The following DNAAF19 variants were observed in gnomAD, a reference collection of about 807,000 sequenced individuals.
DNAAF19 encodes dynein axonemal assembly factor 19.
chr17:44,904,170 G>C, the DNAAF19 span: 1 of 1,550,254 alleles, frequency 6.5e-7, no homozygotes. Flanking sequence ...TTGGTTTTCA[G>C]GGCTCAGTCT....
the DNAAF19 span, chr17:44,904,124 A>G: frequency 6.4e-7 from 1 of 1,550,564 alleles, no homozygotes; most frequent in Admixed American, 2.0e-5. Flanking sequence ...GGGCAGCGAC[A>G]TGCTGACCCG....
At chr17:44,904,610 T>A in the DNAAF19 span, 1 of 1,550,528 alleles carries the variant, frequency 6.4e-7, no homozygotes, top group South Asian at 1.2e-5. Context: ...TAACTATGTG[T>A]CCAAAGTGGG....
At chr17:44,902,993 C>T in the DNAAF19 span, 1 of 1,429,818 alleles carries the variant, frequency 7.0e-7, no homozygotes, top group Non-Finnish European at 9.1e-7. Context: ...CCCTCAGTGT[C>T]TCGCTGTTTT....
chr17:44,904,943 C>T, the DNAAF19 span: 2 of 1,550,696 alleles, frequency 1.3e-6, no homozygotes, highest in East Asian at 2.4e-5. Flanking sequence ...GTTCTCAGAT[C>T]CTGAGACTCG....
chr17:44,902,459 T>G, the DNAAF19 span: 1 of 1,614,258 alleles, frequency 6.2e-7, no homozygotes, highest in East Asian at 2.2e-5. Context: ...CAGGCTCTAC[T>G]GCAGCTTGGG....
the DNAAF19 span, chr17:44,904,963 G>T: frequency 1.3e-6 from 2 of 1,550,726 alleles, no homozygotes; most frequent in Non-Finnish European, 1.7e-6. Flanking sequence ...GCTCGGCTGT[G>T]GAGCTCACCC....
At chr17:44,904,456 C>T in the DNAAF19 span, 923 of 1,543,780 alleles carry the variant, frequency 6.0e-4, 1 homozygote, top group Non-Finnish European at 7.6e-4. Context: ...AGGCCGTGCC[C>T]GATGTGGTGT....
At chr17:44,903,807 T>A in the DNAAF19 span, 2 of 1,541,198 alleles carry the variant, frequency 1.3e-6, no homozygotes, top group Non-Finnish European at 1.8e-6. Flanking sequence ...GCCCTGCCCC[T>A]CTGACCCCTG....
At chr17:44,904,427 C>G in the DNAAF19 span, 1 of 1,541,640 alleles carries the variant, frequency 6.5e-7, no homozygotes, top group Non-Finnish European at 8.8e-7. Flanking sequence ...GAGCCCAGAC[C>G]TCTCCCCACG....
the DNAAF19 span, chr17:44,902,593 A>G: frequency 6.2e-7 from 1 of 1,614,178 alleles, no homozygotes; most frequent in Non-Finnish European, 8.5e-7. Context: ...GATCCTATGC[A>G]GCCTGGCGAG....
chr17:44,904,529 G>A, the DNAAF19 span: 7 of 1,550,514 alleles, frequency 4.5e-6, no homozygotes, highest in Admixed American at 3.9e-5. Context: ...CACGCCTGAG[G>A]TGCTGGTTCG....
At chr17:44,904,396 C>T in the DNAAF19 span, 1 of 1,542,330 alleles carries the variant, frequency 6.5e-7, no homozygotes, top group African/African-American at 1.4e-5. Context: ...AGCAGTGGCG[C>T]ATCGGCCTCT....
the DNAAF19 span, chr17:44,904,914 A>T: frequency 6.5e-7 from 1 of 1,527,036 alleles, no homozygotes; most frequent in Non-Finnish European, 8.9e-7. Flanking sequence ...GTGACATCTC[A>T]TGGGCACTAC....
At chr17:44,903,111 G>A in the DNAAF19 span, 2 of 1,305,262 alleles carry the variant, frequency 1.5e-6, no homozygotes, top group Non-Finnish European at 9.7e-7. Context: ...TGAGAGATGA[G>A]TGTGTGCCCA....
At chr17:44,905,300 C>T in the DNAAF19 span, 1 of 550,154 alleles carries the variant, frequency 1.8e-6, no homozygotes, top group African/African-American at 1.9e-5. Flanking sequence ...AAGTAGGGCA[C>T]ATGTGTTTCC....
At chr17:44,903,632 A>G in the DNAAF19 span, 1 of 1,431,248 alleles carries the variant, frequency 7.0e-7, no homozygotes, top group South Asian at 1.5e-5. Context: ...CTGGAATGTT[A>G]GAAGGGCATC....
At chr17:44,904,585 C>G in the DNAAF19 span, 1 of 1,550,566 alleles carries the variant, frequency 6.4e-7, no homozygotes, top group Non-Finnish European at 8.7e-7. Flanking sequence ...TCCGGGAGGG[C>G]GTGCTGGCCA....
the DNAAF19 span, chr17:44,903,417 C>T: frequency 1.6e-6 from 2 of 1,252,382 alleles, no homozygotes; most frequent in Admixed American, 7.5e-5. Flanking sequence ...TTCCTTCATC[C>T]CCCAGGTTGA....
the DNAAF19 span, chr17:44,904,920 A>G: frequency 0.27 from 421,844 of 1,550,332 alleles, 57,629 homozygotes; most frequent in South Asian, 0.28. Context: ...TCTCATGGGC[A>G]CTACCCAGCC....
Sources: gnomAD v4.1 joint callset for allele counts on GRCh38, gnomAD v4.1.1 for gene constraint, MANE v1.5 for transcripts, NCBI Gene and HGNC (gene_info 2026-07-23, HGNC 2026-07-21) for gene names.